The following RECQL5 variants were observed in gnomAD, a reference collection of about 807,000 sequenced individuals.
RECQL5 encodes the protein ATP-dependent DNA helicase Q5.
RECQL5 carries 88 observed loss-of-function variants against 103.4 expected under a neutral mutation model. The ratio of observed to expected loss-of-function variants is 0.85; its 90% CI spans 0.72 to 1.02. The LOEUF is 1.02. Among genes scored for constraint, RECQL5 ranks in the 50% least tolerant of loss-of-function variants. The pLI is 0.00. For missense variants in RECQL5, 1,232 were observed against 1,284.3 expected (o/e 0.96, Z 0.62); for synonymous variants, 552 against 507.9 (o/e 1.09, Z -1.17).
intron 8 of RECQL5, among the ~76,000 whole-genome samples, chr17:75,642,657 G>T (rs149291179): frequency 2.0e-5 from 3 of 149,762 alleles, no homozygotes; most frequent in African/African-American, 7.7e-5. Flanking sequence ...TGAAGATGAT[G>T]ATGAAGATGG....
Position 75,662,813 on chromosome 17 carries a change from ACC to A in RECQL5, c.435_436del (p.Ser147ProfsTer11). ...CAAGTAAGACAGCAGGTGGCGGGAC[ACC>A]AGGGAGTTCAGGGTGGGCTGGAAGG... On this transcript the variant is annotated frameshift_variant, in exon 4 of 20. Coordinates refer to ENST00000317905, the MANE Select transcript of RECQL5 (RefSeq NM_004259.7). LOFTEE classifies it high-confidence loss of function. The A allele has an allele frequency of 6.2e-7, 1 of 1,614,146 alleles. No homozygotes were observed. Among genetic ancestry groups the A allele is most frequent in the South Asian group, 1.1e-5 (1 of 91,088 alleles).
chr17:75,648,852 GTT>G (rs113945466), intron 8 of RECQL5: 4 of 142,116 alleles, frequency 2.8e-5, no homozygotes, highest in Non-Finnish European at 3.1e-5. Context: ...GTGTTTTTTG[GTT>G]TTTTTTTTTT....
chr17:75,627,491 G>A lies in RECQL5; in HGVS notation c.2907C>T (p.His969=), dbSNP rs748322483. Residue 969 remains histidine, a synonymous_variant, in exon 20 of 20, where the codon CAC becomes CAT. Transcript: ENST00000317905. Reference sequence around the variant, plus strand: ...CGCACCGGGCCCGGCCATGGAAGAAGTGCCTGATGAGGTTCTGGGCCTCTT... The same window carrying A: ...CGCACCGGGCCCGGCCATGGAAGAAATGCCTGATGAGGTTCTGGGCCTCTT... ...VKEEAQNLIR[H]FFHGRARCES... 3.1e-6 allele frequency: 5 copies of A among 1,613,950 alleles called. No homozygotes were observed. In the Admixed American group the frequency reaches 6.7e-5, roughly 22 times the overall value.
chr17:75,663,881 C>T (rs1230639236), intron 3 of RECQL5, among the ~76,000 whole-genome samples: 1 of 151,708 alleles, frequency 6.6e-6, no homozygotes, highest in East Asian at 1.9e-4. Context: ...ATGGTGAAAC[C>T]CTGTCTCTAC....
At chr17:75,666,161 C>T (rs1313086502) in intron 2 of RECQL5, among the ~76,000 whole-genome samples, 1 of 151,984 alleles carries the variant, frequency 6.6e-6, no homozygotes, top group South Asian at 2.1e-4. Flanking sequence ...CGTGGTGGCT[C>T]ATGCTTGTAA....
intron 8 of RECQL5, among the ~76,000 whole-genome samples, chr17:75,645,137 T>C (rs2059474943): frequency 6.6e-6 from 1 of 152,208 alleles, no homozygotes; most frequent in Non-Finnish European, 1.5e-5. Context: ...AAACTTAAAG[T>C]CATTGGAACT....
At chr17:75,639,989 G>A in intron 8 of RECQL5, 3 of 610,030 alleles carry the variant, frequency 4.9e-6, no homozygotes, top group Non-Finnish European at 8.2e-6. Flanking sequence ...ACCCTGAGCT[G>A]TGTCAGCTGG....
chr17:75,646,458 T>A (rs543212075), intron 8 of RECQL5: 1 of 152,326 alleles, frequency 6.6e-6, no homozygotes, highest in Non-Finnish European at 1.5e-5. Context: ...CAGGAGGGAC[T>A]CATGAACACG....
In RECQL5 at chr17:75,631,523, C is replaced by A. The variant is rs752804710; in HGVS notation, c.1375G>T (p.Gly459Trp). 5.3e-5 allele frequency: 85 copies of A among 1,613,144 alleles called. No homozygotes were observed. The highest frequency in any genetic ancestry group is 6.9e-5 in the Non-Finnish European group (82 of 1,179,988). ...TCAAAGCCGTTCCCCTGGGAGGGCC[C>A]GATGCAGGTCTTGCTCCAGCTGCTG... ...RSSSWSKTCI[G>W]PSQGNGFDPE... Residue 459 changes from glycine (G) to tryptophan (W), a missense_variant, in exon 9 of 20, where the codon GGG becomes TGG. Transcript: ENST00000317905.
chr17:75,628,863 A>G, intron 16 of RECQL5, 71 bp downstream of exon 16: 2 of 1,586,676 alleles, frequency 1.3e-6, no homozygotes, highest in Non-Finnish European at 1.7e-6. Context: ...TCTGAGCTTC[A>G]GACGCCCAGT....
intron 8 of RECQL5, chr17:75,650,416 G>A (rs1464674193): frequency 1.3e-5 from 17 of 1,308,588 alleles, no homozygotes; most frequent in Non-Finnish European, 1.7e-5. Context: ...CCAGGTGTAT[G>A]CAAATGAGGA....
rs1468679498 is a variant in RECQL5, at chr17:75,629,077, T to TG, written c.2345dup (p.Glu783ArgfsTer10). ...AGGAGGGGCAGGCACCTTCTGCCTC[T>TG]GGGGCTGATGCCAGCAGAGCTGGGC... On this transcript the variant is annotated frameshift_variant, in exon 16 of 20. Coordinates refer to ENST00000317905, the MANE Select transcript of RECQL5 (RefSeq NM_004259.7). LOFTEE classifies it high-confidence loss of function. 6.2e-7 allele frequency: 1 copy of TG among 1,612,928 alleles called. No individual in the cohort carries two copies. The highest frequency in any genetic ancestry group is 8.5e-7 in the Non-Finnish European group (1 of 1,179,626).
At chr17:75,631,780 C>T in intron 8 of RECQL5, 112 bp from the exon 9 acceptor site, 2 of 1,103,430 alleles carry the variant, frequency 1.8e-6, no homozygotes, top group Non-Finnish European at 2.6e-6. Flanking sequence ...CGGCACCATG[C>T]CGGGAGCCCC....
At chr17:75,639,081 G>C (rs979721863) in intron 8 of RECQL5, 2 of 152,356 alleles carry the variant, frequency 1.3e-5, no homozygotes, top group African/African-American at 4.8e-5. Context: ...GCCAATTGCA[G>C]GGTGGAGGGC....
At position 75,628,309 on chromosome 17, in the gene RECQL5, A is replaced by G. The variant is rs951414274; in HGVS notation, c.2714T>C (p.Leu905Pro). 8 of 1,614,100 alleles carry G rather than the reference A, an allele frequency of 5.0e-6. No individual in the cohort carries two copies. Among genetic ancestry groups the G allele is most frequent in the Non-Finnish European group, 6.8e-6 (8 of 1,180,016 alleles). Reference protein sequence around the residue: ...LNPTAQDPFQLSAPGVSLKEA... With the variant: ...LNPTAQDPFQPSAPGVSLKEA... ...CTTCAAGGAGACGCCAGGAGCGGAGAGCTGGAAGGGGTCTTGAGCCGTGGG... is the reference window on the plus strand; with the variant it reads ...CTTCAAGGAGACGCCAGGAGCGGAGGGCTGGAAGGGGTCTTGAGCCGTGGG... Residue 905 changes from leucine to proline, a missense_variant, in exon 18 of 20, where the codon CTC becomes CCC. Transcript: ENST00000317905.
chr17:75,648,531 A>T (rs2059515524), intron 8 of RECQL5, among the ~76,000 whole-genome samples: 2 of 149,062 alleles, frequency 1.3e-5, no homozygotes, highest in South Asian at 4.3e-4. Flanking sequence ...CACCACCGTG[A>T]CCGGCTAATT....
In RECQL5 at chr17:75,665,038, C is replaced by A. The variant is rs2148349038; in HGVS notation, c.252+13G>T. ...TCTTTTTGGGCTACCATCTTCATTG[C>A]CCTAAGCCTCACCTGAATCAAAGCA... On this transcript the variant is annotated intron_variant, in intron 3 of 19. Transcript: ENST00000317905. 1 of 1,580,430 alleles carries A rather than the reference C, an allele frequency of 6.3e-7. No homozygotes were observed. The highest frequency in any genetic ancestry group is 1.2e-5 in the South Asian group (1 of 85,230).
chr17:75,652,403 C>T (rs945723929), intron 7 of RECQL5: 3 of 152,230 alleles, frequency 2.0e-5, no homozygotes, highest in Non-Finnish European at 4.4e-5. Flanking sequence ...AACAGGAGGA[C>T]CCCAAAGGTT....
rs143253557 is a variant in RECQL5 at position 75,659,936 on chromosome 17, A to G, written c.986+1019T>C. Among the ~76,000 whole-genome samples, 308 of 152,358 alleles carry G rather than the reference A, an allele frequency of 2.0e-3. 2 individuals are homozygous for G. The highest frequency in any genetic ancestry group is 3.8e-3 in the Non-Finnish European group (258 of 68,032). Reference sequence around the variant, plus strand: ...GGCTGGGATGCACCCCGACTCTTCTAGACTATTAGTAAGCAATAAAAAGGA... The same window carrying G: ...GGCTGGGATGCACCCCGACTCTTCTGGACTATTAGTAAGCAATAAAAAGGA... On this transcript the variant is annotated intron_variant, in intron 6 of 19. Transcript: ENST00000317905.
Sources: gnomAD v4.1 joint callset for allele counts (sites outside exome capture counted in the v4.1 genomes callset) on GRCh38, gnomAD v4.1.1 for gene constraint, MANE v1.5 for transcripts, NCBI Gene and HGNC (gene_info 2026-07-23, HGNC 2026-07-21) for gene names.